Variants in SPATA7 observed in about 807,000 individuals in gnomAD.
The protein encoded by SPATA7 is spermatogenesis associated 7, also known as spermatogenesis-associated protein 7.
SPATA7 carries 43 observed loss-of-function variants against 51.8 expected under a neutral mutation model. The observed-to-expected ratio is 0.83, with a 90% CI of 0.65 to 1.07. The LOEUF (loss-of-function observed/expected upper bound fraction) is 1.07, where lower values mean the gene tolerates loss of function less well. SPATA7 is among the 50% of genes least tolerant of loss of function. SPATA7 has a pLI of 0.00. For synonymous variants in SPATA7, 230 were observed against 252.8 expected, an observed-to-expected ratio of 0.91 and a Z score of 0.86; for missense variants, 683 against 701.3, an observed-to-expected ratio of 0.97 and a Z score of 0.30.
chr14:88,453,538 TTG>T (rs1491101933), intron 3 of SPATA7, among the ~76,000 whole-genome samples: 3 of 152,180 alleles, frequency 2.0e-5, no homozygotes, highest in Non-Finnish European at 2.9e-5. Flanking sequence ...ATCCCAGACC[TTG>T]TGTGTTTTTG....
intron 3 of SPATA7, among the ~76,000 whole-genome samples, chr14:88,443,875 G>A (rs2077194796): frequency 6.6e-6 from 1 of 152,126 alleles, no homozygotes; most frequent in Admixed American, 6.5e-5. Flanking sequence ...TCTTAATCCA[G>A]TCTATCATTG....
chr14:88,409,183 C>T (rs2076273916), intron 4 of SPATA7, among the ~76,000 whole-genome samples: 1 of 152,124 alleles, frequency 6.6e-6, no homozygotes, highest in Non-Finnish European at 1.5e-5. Flanking sequence ...ACCAGCTCCT[C>T]TTTGTACCTA....
chr14:88,429,326 A>T (rs772661165), intron 7 of SPATA7, 22 bp from the exon 8 acceptor site: 22 of 1,445,052 alleles, frequency 1.5e-5, no homozygotes, highest in Middle Eastern at 1.7e-4. Flanking sequence ...AAAAATAAAT[A>T]TTTTTTTTAT....
chr14:88,467,120 A>C (rs1029941772), intron 4 of SPATA7: 1 of 152,148 alleles, frequency 6.6e-6, no homozygotes, highest in African/African-American at 2.4e-5. Context: ...TGTAAAGACG[A>C]AGGCATCCTG....
In SPATA7 at chr14:88,438,367, T is replaced by A; in HGVS notation, c.1745T>A (p.Leu582Ter). ...GGCGACAATAATCATGACATGGAGT[T>A]ATCAACTCTTAAAATCATGGAAATG... ...VKGDNNHDMELSTLKIMEMSI... is the reference protein window; with the variant it reads ...VKGDNNHDME Residue 582 changes from leucine (L) to a stop codon, truncating the protein, a stop_gained, in exon 12 of 12, where the codon TTA becomes TAA. Coordinates refer to ENST00000393545, the MANE Select transcript of SPATA7 (RefSeq NM_018418.5). LOFTEE classifies it high-confidence loss of function. 1 of 1,614,074 alleles carries A rather than the reference T, an allele frequency of 6.2e-7. No individual in the cohort carries two copies.
intron 4 of SPATA7, among the ~76,000 whole-genome samples, chr14:88,461,510 G>A (rs937600635): frequency 6.6e-6 from 1 of 152,218 alleles, no homozygotes; most frequent in Non-Finnish European, 1.5e-5. Flanking sequence ...CTCCGAGCCA[G>A]GTGTGGGATA....
chr14:88,421,877 A>G (rs2076653727), intron 5 of SPATA7, among the ~76,000 whole-genome samples: 1 of 150,288 alleles, frequency 6.7e-6, no homozygotes, highest in South Asian at 2.1e-4. Flanking sequence ...TGAGTCCAGG[A>G]GGCGGGGTTG....
At chr14:88,453,963 T>A (rs2077267970) in intron 3 of SPATA7, among the ~76,000 whole-genome samples, 1 of 152,190 alleles carries the variant, frequency 6.6e-6, no homozygotes, top group Non-Finnish European at 1.5e-5. Flanking sequence ...ATATTCGAGT[T>A]TTGAGGCAAA....
intron 4 of SPATA7, among the ~76,000 whole-genome samples, chr14:88,462,693 C>G (rs2140063681): frequency 6.6e-6 from 1 of 152,304 alleles, no homozygotes; most frequent in Middle Eastern, 3.4e-3. Context: ...GATTCAGAGC[C>G]AAGGGATTTT....
At chr14:88,441,620 T>G (rs1405949609), downstream of SPATA7, among the ~76,000 whole-genome samples, 1 of 152,216 alleles carries the variant, frequency 6.6e-6, no homozygotes, top group African/African-American at 2.4e-5. Context: ...CATTTTTTCA[T>G]ATGTTTATTG....
chr14:88,399,479 C>T (rs2075997935), intron 4 of SPATA7, among the ~76,000 whole-genome samples: 1 of 152,264 alleles, frequency 6.6e-6, no homozygotes, highest in Non-Finnish European at 1.5e-5. Context: ...TCGCTACATA[C>T]AAGTTATATG....
At chr14:88,447,898 C>G (rs1250729578) in intron 3 of SPATA7, among the ~76,000 whole-genome samples, 1 of 152,022 alleles carries the variant, frequency 6.6e-6, no homozygotes, top group East Asian at 1.9e-4. Context: ...CCCGACCTTT[C>G]TCTCTGGCTG....
intron 10 of SPATA7, among the ~76,000 whole-genome samples, chr14:88,437,054 T>C (rs2140027179): frequency 6.6e-6 from 1 of 152,010 alleles, no homozygotes; most frequent in East Asian, 1.9e-4. Flanking sequence ...TTCCAATCCA[T>C]GAATTTGGAA....
chr14:88,449,196 C>T, intron 3 of SPATA7, among the ~76,000 whole-genome samples: 1 of 152,132 alleles, frequency 6.6e-6, no homozygotes, highest in Non-Finnish European at 1.5e-5. Flanking sequence ...ATGATGTAGG[C>T]ATTTAATACT....
At chr14:88,393,944 C>T (rs1401394408) in intron 3 of SPATA7, among the ~76,000 whole-genome samples, 1 of 152,060 alleles carries the variant, frequency 6.6e-6, no homozygotes, top group African/African-American at 2.4e-5. Flanking sequence ...ATAAATACTA[C>T]TACAACCATG....
intron 3 of SPATA7, among the ~76,000 whole-genome samples, chr14:88,395,721 T>C (rs566009700): frequency 6.6e-6 from 1 of 152,286 alleles, no homozygotes; most frequent in South Asian, 2.1e-4. Flanking sequence ...TGAAAGTCAG[T>C]TGACCATATG....
chr14:88,455,914 C>T (rs904113216), downstream of SPATA7, among the ~76,000 whole-genome samples: 1 of 145,342 alleles, frequency 6.9e-6, no homozygotes, highest in Non-Finnish European at 1.5e-5. Context: ...TGTGATGTTC[C>T]CCTTCCTGTG....
chr14:88,468,491 G>A (rs1005961595), intron 4 of SPATA7, among the ~76,000 whole-genome samples: 1 of 152,186 alleles, frequency 6.6e-6, no homozygotes, highest in Non-Finnish European at 1.5e-5. Context: ...TTCCCCAGGT[G>A]TAGCTCACTG....
At chr14:88,454,728 A>C (rs920730841) in intron 3 of SPATA7, among the ~76,000 whole-genome samples, 2 of 152,088 alleles carry the variant, frequency 1.3e-5, no homozygotes, top group African/African-American at 4.8e-5. Flanking sequence ...GAATCACCTG[A>C]GTTCAGGAGA....
Sources: gnomAD v4.1 joint callset for allele counts (sites outside exome capture counted in the v4.1 genomes callset) on GRCh38, gnomAD v4.1.1 for gene constraint, MANE v1.5 for transcripts, NCBI Gene and HGNC (gene_info 2026-07-23, HGNC 2026-07-21) for gene names.